The following CNTN4 variants were observed in gnomAD, a reference collection of about 807,000 sequenced individuals.
CNTN4 encodes contactin 4.
Under a neutral mutation model 122.5 loss-of-function variants are expected in CNTN4, and 77 were observed. The observed-to-expected ratio is 0.63, with a 90% CI of 0.52 to 0.76. The LOEUF (loss-of-function observed/expected upper bound fraction) is 0.76, where lower values mean the gene tolerates loss of function less well. Among genes scored for constraint, CNTN4 ranks in the 30% least tolerant of loss-of-function variants. The pLI, the probability that CNTN4 is intolerant of heterozygous loss-of-function variation, is 0.00. For missense variants in CNTN4, 1,256 were observed against 1,259.1 expected (o/e 1.00, Z 0.04); for synonymous variants, 512 against 447.0 (o/e 1.15, Z -1.83).
At chr3:2,996,475 A>G (rs1018673092) in intron 14 of CNTN4, among the ~76,000 whole-genome samples, 6 of 152,176 alleles carry the variant, frequency 3.9e-5, no homozygotes, top group African/African-American at 1.4e-4. Context: ...TCTTTCTTGT[A>G]AGGAAAAAAC....
chr3:2,504,886 G>A (rs2076692051), intron 3 of CNTN4, among the ~76,000 whole-genome samples: 1 of 152,126 alleles, frequency 6.6e-6, no homozygotes, highest in Non-Finnish European at 1.5e-5. Context: ...ACAATAAAAG[G>A]TTGGGGGACT....
intron 3 of CNTN4, among the ~76,000 whole-genome samples, chr3:2,378,901 T>A (rs1196850864): frequency 2.0e-5 from 3 of 152,178 alleles, no homozygotes; most frequent in Non-Finnish European, 4.4e-5. Context: ...GTAATACCAA[T>A]ACCAATATCA....
intron 4 of CNTN4, among the ~76,000 whole-genome samples, chr3:2,638,090 T>C (rs1212516588): frequency 1.3e-5 from 2 of 152,240 alleles, no homozygotes; most frequent in African/African-American, 2.4e-5. Context: ...GTGGAATTTA[T>C]AGGAATTTAA....
chr3:2,384,363 T>C (rs926894787), intron 3 of CNTN4, among the ~76,000 whole-genome samples: 3 of 152,146 alleles, frequency 2.0e-5, no homozygotes, highest in Admixed American at 6.5e-5. Context: ...ACCAAAGTTC[T>C]CATCTTACCA....
At chr3:2,307,552 G>A (rs959097058) in intron 2 of CNTN4, among the ~76,000 whole-genome samples, 1 of 152,048 alleles carries the variant, frequency 6.6e-6, no homozygotes, top group Non-Finnish European at 1.5e-5. Context: ...CATTTCTGCA[G>A]GTGCCCTTTT....
chr3:2,893,596 G>C (rs1012617399), intron 10 of CNTN4, among the ~76,000 whole-genome samples: 1 of 151,988 alleles, frequency 6.6e-6, no homozygotes, highest in Admixed American at 6.6e-5. Flanking sequence ...CAAACGTTGC[G>C]AATAATAGAG....
chr3:2,981,173 G>A (rs1015139175), intron 13 of CNTN4, among the ~76,000 whole-genome samples: 5 of 152,166 alleles, frequency 3.3e-5, no homozygotes, highest in African/African-American at 7.2e-5. Context: ...GGCCGGGCGC[G>A]GTGGCTCACG....
chr3:2,397,027 T>A (rs1222025068), intron 3 of CNTN4, among the ~76,000 whole-genome samples: 1 of 152,134 alleles, frequency 6.6e-6, no homozygotes, highest in Admixed American at 6.5e-5. Context: ...CTTCAAGGGT[T>A]TTGATTGTTT....
At chr3:2,611,141 G>A (rs1044202698) in intron 4 of CNTN4, among the ~76,000 whole-genome samples, 7 of 151,552 alleles carry the variant, frequency 4.6e-5, no homozygotes, top group African/African-American at 2.4e-5. Flanking sequence ...AGGTGTGTAG[G>A]CAAGTTACAT....
chr3:2,713,344 G>A (rs1459954252), intron 4 of CNTN4, among the ~76,000 whole-genome samples: 2 of 152,140 alleles, frequency 1.3e-5, no homozygotes, highest in African/African-American at 4.8e-5. Flanking sequence ...AAAGCAGAGG[G>A]AAAATTGTTT....
chr3:2,188,454 G>T (rs575074985), intron 2 of CNTN4, among the ~76,000 whole-genome samples: 26 of 152,164 alleles, frequency 1.7e-4, no homozygotes, highest in Non-Finnish European at 2.9e-4. Flanking sequence ...TCCTGAGGAA[G>T]ATTGGGAGCT....
chr3:2,725,839 A>C (rs2088186453), intron 4 of CNTN4, among the ~76,000 whole-genome samples: 2 of 152,236 alleles, frequency 1.3e-5, no homozygotes. Context: ...GAAATGTCAA[A>C]AAGAAATAAG....
chr3:2,880,102 A>C (rs2093889953), intron 8 of CNTN4, among the ~76,000 whole-genome samples: 2 of 152,208 alleles, frequency 1.3e-5, no homozygotes. Context: ...CTGCGTTGCC[A>C]GTGATATTTT....
intron 23 of CNTN4, among the ~76,000 whole-genome samples, chr3:3,053,103 C>T (rs552197087): frequency 1.5e-3 from 224 of 152,328 alleles, no homozygotes; most frequent in Non-Finnish European, 2.3e-3. Context: ...GGCTTGATCT[C>T]GGCTCACTGC....
At chr3:2,305,129 A>T (rs2042658559) in intron 2 of CNTN4, among the ~76,000 whole-genome samples, 2 of 152,164 alleles carry the variant, frequency 1.3e-5, no homozygotes, top group Admixed American at 1.3e-4. Flanking sequence ...TCAAATGTTG[A>T]CACTTGAAAA....
intron 3 of CNTN4, among the ~76,000 whole-genome samples, chr3:2,359,815 G>C (rs912818375): frequency 2.6e-5 from 4 of 152,082 alleles, no homozygotes; most frequent in African/African-American, 9.7e-5. Context: ...CTGGGATTAG[G>C]GTCGAGAGCC....
At chr3:2,400,430 T>TAC (rs777914151) in intron 3 of CNTN4, among the ~76,000 whole-genome samples, 16,503 of 67,508 alleles carry the variant, frequency 0.24, 1,448 homozygotes, top group Admixed American at 0.35. Flanking sequence ...TATATATACA[T>TAC]ATATATATAT....
intron 14 of CNTN4, among the ~76,000 whole-genome samples, chr3:3,012,876 G>C (rs1192289521): frequency 6.6e-6 from 1 of 151,774 alleles, no homozygotes; most frequent in Non-Finnish European, 1.5e-5. Context: ...GCTGAGGCGA[G>C]AGAATTGCTT....
intron 4 of CNTN4, among the ~76,000 whole-genome samples, chr3:2,661,752 C>G (rs1030528356): frequency 4.6e-4 from 61 of 131,988 alleles, no homozygotes; most frequent in Admixed American, 1.4e-3. Flanking sequence ...GCAGAGGTTG[C>G]GGTGAACCGA....
Sources: allele counts gnomAD v4.1 joint callset (sites outside exome capture counted in the v4.1 genomes callset), GRCh38; gene constraint gnomAD v4.1.1; transcripts MANE v1.5; gene names NCBI Gene and HGNC (gene_info 2026-07-23, HGNC 2026-07-21).